The following LAMA2 variants were observed in gnomAD, a reference collection of about 807,000 sequenced individuals.
LAMA2 encodes laminin subunit alpha-2.
LAMA2 carries 269 observed loss-of-function variants against 364.8 expected under a neutral mutation model. The observed-to-expected ratio is 0.74, with a 90% CI of 0.67 to 0.82. The LOEUF is 0.82. Among genes scored for constraint, LAMA2 ranks in the 40% least tolerant of loss-of-function variants. The pLI is 0.00. For synonymous variants in LAMA2, 1,379 were observed against 1,370.6 expected (o/e 1.01, Z -0.14); for missense variants, 3,807 against 3,873.2 (o/e 0.98, Z 0.45).
intron 1 of LAMA2, among the ~76,000 whole-genome samples, chr6:128,981,448 A>C (rs1782864958): frequency 1.3e-5 from 2 of 152,002 alleles, no homozygotes; most frequent in South Asian, 4.1e-4. Flanking sequence ...GAGACATTAA[A>C]AATGCCTTCC....
chr6:128,992,046 C>T (rs908060961), intron 1 of LAMA2, among the ~76,000 whole-genome samples: 1 of 152,124 alleles, frequency 6.6e-6, no homozygotes, highest in Non-Finnish European at 1.5e-5. Context: ...CTGTTTAAAA[C>T]GTCAGATGCA....
At chr6:129,125,913 A>G (rs1777089446) in intron 4 of LAMA2, among the ~76,000 whole-genome samples, 1 of 152,184 alleles carries the variant, frequency 6.6e-6, no homozygotes, top group Admixed American at 6.5e-5. Flanking sequence ...AAATTTACAT[A>G]ATTAGAAATT....
intron 9 of LAMA2, among the ~76,000 whole-genome samples, chr6:129,171,631 G>A (rs1246037037): frequency 1.3e-5 from 2 of 148,860 alleles, no homozygotes; most frequent in African/African-American, 5.0e-5. Context: ...TTCAGCTTTG[G>A]TGAATCTGAC....
intron 37 of LAMA2, among the ~76,000 whole-genome samples, chr6:129,398,892 G>A (rs7773589): frequency 0.051 from 7,718 of 152,254 alleles, 676 homozygotes; most frequent in African/African-American, 0.17. Context: ...CAGTCACTAA[G>A]TCAATAAATA....
At chr6:129,322,481 G>A (rs958014348) in intron 28 of LAMA2, among the ~76,000 whole-genome samples, 10 of 152,232 alleles carry the variant, frequency 6.6e-5, no homozygotes, top group East Asian at 3.9e-4. Context: ...CCCAGGTAGC[G>A]TTTGGTTTTA....
At chr6:129,090,302 A>T (rs1356996942) in intron 3 of LAMA2, among the ~76,000 whole-genome samples, 4 of 152,300 alleles carry the variant, frequency 2.6e-5, no homozygotes, top group African/African-American at 7.2e-5. Context: ...AGCAAATTCC[A>T]TATGTATTAC....
chr6:129,099,128 T>TTG (rs1775361962), intron 4 of LAMA2, among the ~76,000 whole-genome samples: 1 of 148,962 alleles, frequency 6.7e-6, no homozygotes, highest in African/African-American at 2.4e-5. Flanking sequence ...TTTTTTTGTT[T>TTG]TTTTTTTTTT....
intron 4 of LAMA2, among the ~76,000 whole-genome samples, chr6:129,099,801 A>G (rs1177450382): frequency 3.3e-5 from 5 of 152,140 alleles, no homozygotes; most frequent in Non-Finnish European, 5.9e-5. Flanking sequence ...TTGGGGAAAA[A>G]CATTCCAAAT....
chr6:129,055,080 G>A (rs1788374094), intron 2 of LAMA2, among the ~76,000 whole-genome samples: 1 of 150,824 alleles, frequency 6.6e-6, no homozygotes, highest in African/African-American at 2.4e-5. Flanking sequence ...AGTAAAGCAA[G>A]GTGTATATAA....
Position 129,386,593 on chromosome 6 carries a change from TA to T in LAMA2, c.5071+3363del, listed in dbSNP as rs375206066. On this transcript the variant is annotated intron_variant, in intron 35 of 64. Transcript: ENST00000421865. ...ACAGTTCACCATACAAAAATAATGT[TA>T]AATGAGGGTAAGTAAAGCGCAGTGA... 1.6e-4 allele frequency among the ~76,000 whole-genome samples: 25 copies of T among 152,238 alleles called. No individual in the cohort carries two copies. In the East Asian group the frequency reaches 4.2e-3, roughly 26 times the overall value.
chr6:129,129,768 C>CA (rs544560411), intron 4 of LAMA2, among the ~76,000 whole-genome samples: 87 of 151,306 alleles, frequency 5.7e-4, no homozygotes, highest in Middle Eastern at 3.4e-3. Context: ...ACTAAAAATA[C>CA]AAAAAATTAG....
At chr6:128,988,648 A>G (rs962753785) in intron 1 of LAMA2, among the ~76,000 whole-genome samples, 1 of 152,214 alleles carries the variant, frequency 6.6e-6, no homozygotes. Context: ...AACTTTCACA[A>G]TTCTTAGCTT....
At chr6:129,381,771 T>C (rs1778704141) in intron 34 of LAMA2, among the ~76,000 whole-genome samples, 1 of 151,936 alleles carries the variant, frequency 6.6e-6, no homozygotes, top group South Asian at 2.1e-4. Flanking sequence ...TCCAAATTAT[T>C]GTGTATATGT....
At chr6:129,352,918 A>T (rs1776934273) in intron 31 of LAMA2, among the ~76,000 whole-genome samples, 1 of 149,006 alleles carries the variant, frequency 6.7e-6, no homozygotes, top group Non-Finnish European at 1.5e-5. Context: ...ATTATTATTA[A>T]TGTTTTCAAT....
At position 129,315,715 on chromosome 6, in the gene LAMA2, C is replaced by T. The variant is rs561237907; in HGVS notation, c.3736-47C>T. On this transcript the variant is annotated intron_variant, in intron 25 of 64. Transcript: ENST00000421865. Reference sequence around the variant, plus strand: ...AGATAAAATCTTTTTAGAATCACACCATTTGGAGATTTATCCAATTCCTCA... The same window carrying T: ...AGATAAAATCTTTTTAGAATCACACTATTTGGAGATTTATCCAATTCCTCA... 1.9e-5 allele frequency: 31 copies of T among 1,610,576 alleles called. 2 individuals are homozygous for T. The South Asian group carries it at 3.4e-4, about 18-fold the overall frequency.
chr6:128,960,661 A>T (rs2114592186), intron 1 of LAMA2, among the ~76,000 whole-genome samples: 1 of 152,058 alleles, frequency 6.6e-6, no homozygotes, highest in South Asian at 2.1e-4. Flanking sequence ...CGCCCAGCCG[A>T]TTTCTCTTTT....
At chr6:129,054,271 A>C (rs1285470664) in intron 2 of LAMA2, among the ~76,000 whole-genome samples, 1 of 152,324 alleles carries the variant, frequency 6.6e-6, no homozygotes, top group Non-Finnish European at 1.5e-5. Context: ...AAAGAATCAA[A>C]CGTGTGGACT....
At chr6:129,370,719 C>T (rs751288606) in intron 34 of LAMA2, among the ~76,000 whole-genome samples, 6 of 152,124 alleles carry the variant, frequency 3.9e-5, no homozygotes, top group Non-Finnish European at 7.3e-5. Context: ...TGGGGATTAT[C>T]GAGTCCACTT....
intron 62 of LAMA2, among the ~76,000 whole-genome samples, chr6:129,511,434 G>T (rs564343629): frequency 6.6e-6 from 1 of 151,748 alleles, no homozygotes; most frequent in Non-Finnish European, 1.5e-5. Context: ...TTGCCCAGGC[G>T]CAACTGGCTA....
Sources: gnomAD v4.1 joint callset for allele counts (sites outside exome capture counted in the v4.1 genomes callset) on GRCh38, gnomAD v4.1.1 for gene constraint, MANE v1.5 for transcripts, NCBI Gene and HGNC (gene_info 2026-07-23, HGNC 2026-07-21) for gene names.